COQ5: variants seen among roughly 807,000 people sequenced by gnomAD.
COQ5 encodes the protein coenzyme Q5, methyltransferase.
COQ5 carries 27 observed loss-of-function variants against 40.5 expected under a neutral mutation model. The ratio of observed to expected loss-of-function variants is 0.67; its 90% CI spans 0.49 to 0.92. The LOEUF (loss-of-function observed/expected upper bound fraction) is 0.92, where lower values mean the gene tolerates loss of function less well. Among genes scored for constraint, COQ5 ranks in the 40% least tolerant of loss-of-function variants. The pLI, the probability that COQ5 is intolerant of heterozygous loss-of-function variation, is 0.00. For missense variants in COQ5, 409 were observed against 406.4 expected, an observed-to-expected ratio of 1.01 and a Z score of -0.06; for synonymous variants, 141 against 150.0, an observed-to-expected ratio of 0.94 and a Z score of 0.44.
chr12:120,524,113 A>G, intron 1 of COQ5: 1 of 255,074 alleles, frequency 3.9e-6, no homozygotes. Context: ...GGGCACCTAG[A>G]TGCCAAGCTG....
intron 1 of COQ5, chr12:120,526,772 T>C: frequency 5.1e-6 from 1 of 195,400 alleles, no homozygotes; most frequent in Non-Finnish European, 9.8e-6. Flanking sequence ...TGGAGTGTAG[T>C]GGCAGGATCT....
intron 5 of COQ5, 24 bp from the exon 6 acceptor site, chr12:120,504,105 A>G: frequency 7.1e-7 from 1 of 1,406,244 alleles, no homozygotes; most frequent in Non-Finnish European, 1.0e-6. Flanking sequence ...AAGGTAAAAG[A>G]TGAAGATTAG....
intron 3 of COQ5, among the ~76,000 whole-genome samples, chr12:120,516,300 T>C (rs1427531180): frequency 6.6e-6 from 1 of 152,138 alleles, no homozygotes; most frequent in Non-Finnish European, 1.5e-5. Context: ...ACTGAGAAGT[T>C]GTGTGACTTG....
chr12:120,507,579 C>T (rs181813757), intron 4 of COQ5, among the ~76,000 whole-genome samples: 2 of 150,198 alleles, frequency 1.3e-5, no homozygotes, highest in African/African-American at 4.9e-5. Flanking sequence ...CCACCACGCC[C>T]GGCCTCTATT....
At chr12:120,523,404 G>A (rs142661687) in intron 1 of COQ5, 38 of 388,188 alleles carry the variant, frequency 9.8e-5, no homozygotes, top group African/African-American at 5.6e-4. Flanking sequence ...GTGCCATTTC[G>A]GGACTGGCTG....
intron 1 of COQ5, among the ~76,000 whole-genome samples, chr12:120,523,723 A>G (rs1410413724): frequency 6.6e-6 from 1 of 152,056 alleles, no homozygotes; most frequent in East Asian, 1.9e-4. Flanking sequence ...CATTAGAAGT[A>G]TGCATACAGG....
intron 4 of COQ5, among the ~76,000 whole-genome samples, chr12:120,509,023 CAAAAA>C (rs55804213): frequency 8.3e-6 from 1 of 120,014 alleles, no homozygotes. Flanking sequence ...GACTCTGTCT[CAAAAA>C]AAAAAAAAAA....
rs1169514067 is a variant in COQ5 at position 120,525,890 on chromosome 12, A to C, written c.202+3050T>G. Among the ~76,000 whole-genome samples the C allele has an allele frequency of 2.6e-5, 4 of 151,986 alleles. 1 individual carries two copies. Among genetic ancestry groups the C allele is most frequent in the Non-Finnish European group, 5.9e-5 (4 of 68,012 alleles). ...CAGTGAGCTGAGATCGTGCCACCGC[A>C]CTCCAGCCTGGGCGACAGAGCGAGA... On this transcript the variant is annotated intron_variant, in intron 1 of 6. Transcript: ENST00000288532.
At chr12:120,520,988 A>G (rs542975140) in intron 2 of COQ5, among the ~76,000 whole-genome samples, 15 of 152,128 alleles carry the variant, frequency 9.9e-5, no homozygotes, top group Admixed American at 5.9e-4. Context: ...TTAAAGGTTA[A>G]GCAGAAGATA....
intron 5 of COQ5, 125 bp from the exon 6 acceptor site, chr12:120,504,206 C>G: frequency 2.8e-6 from 2 of 702,194 alleles, no homozygotes; most frequent in Non-Finnish European, 5.1e-6. Flanking sequence ...CAAGCAAGAA[C>G]CTGAATTAAG....
rs190537458 is a variant in COQ5 at position 120,518,841 on chromosome 12, C to T, written c.353-2053G>A. Among the ~76,000 whole-genome samples the T allele has an allele frequency of 8.5e-5, 13 of 152,328 alleles. No individual in the cohort carries two copies. The East Asian group carries it at 2.5e-3, about 29-fold the overall frequency. ...GCCTCCCAAATGCTGGGATTACAGG[C>T]GTGAGCCAACGTGCTCGGCCATATA... is the stretch of plus-strand genomic sequence containing the variant. On this transcript the variant is annotated intron_variant, in intron 2 of 6. Coordinates refer to ENST00000288532, the MANE Select transcript of COQ5 (RefSeq NM_032314.4).
At chr12:120,525,904 G>A (rs547219448) in intron 1 of COQ5, among the ~76,000 whole-genome samples, 10 of 150,374 alleles carry the variant, frequency 6.7e-5, no homozygotes, top group South Asian at 2.1e-4. Flanking sequence ...CAGCCTGGGC[G>A]ACAGAGCGAG....
At chr12:120,505,635 C>T (rs1868846580) in intron 4 of COQ5, among the ~76,000 whole-genome samples, 2 of 151,986 alleles carry the variant, frequency 1.3e-5, no homozygotes, top group Admixed American at 6.6e-5. Flanking sequence ...CGGCTCACCA[C>T]AACCTCCACC....
chr12:120,524,999 G>GATGGGGTTTCA (rs1342352582), intron 1 of COQ5, among the ~76,000 whole-genome samples: 1 of 151,640 alleles, frequency 6.6e-6, no homozygotes, highest in African/African-American at 2.4e-5. Flanking sequence ...TTTTAGTAGA[G>GATGGGGTTTCA]ATGGGGTTTC....
chr12:120,516,886 GGA>G, intron 2 of COQ5, 98 bp from the exon 3 acceptor site: 3 of 1,027,978 alleles, frequency 2.9e-6, no homozygotes, highest in Non-Finnish European at 4.6e-6. Flanking sequence ...CAGAGGCACA[GGA>G]GTACCTGTGT....
chr12:120,505,101 CTT>C (rs1868819879), intron 4 of COQ5, 118 bp from the exon 5 acceptor site: 5 of 783,138 alleles, frequency 6.4e-6, no homozygotes, highest in Admixed American at 2.0e-5. Context: ...CCACAAACCT[CTT>C]GTTTGTTCTC....
chr12:120,522,600 A>T, intron 1 of COQ5: 1 of 645,776 alleles, frequency 1.5e-6, no homozygotes, highest in East Asian at 2.5e-5. Context: ...AGCCCCATGC[A>T]GATGGCAGTC....
intron 1 of COQ5, 120 bp downstream of exon 1, chr12:120,528,819 AT>A: frequency 3.1e-6 from 3 of 976,064 alleles, no homozygotes; most frequent in African/African-American, 1.6e-5. Flanking sequence ...AAAAAAAAAA[AT>A]CATAACTGCA....
intron 2 of COQ5, among the ~76,000 whole-genome samples, chr12:120,517,223 G>A (rs1482175977): frequency 6.6e-6 from 1 of 151,804 alleles, no homozygotes; most frequent in African/African-American, 2.4e-5. Context: ...GTGGTGGCAG[G>A]CGCCTGTTAT....
Sources: allele counts gnomAD v4.1 joint callset (sites outside exome capture counted in the v4.1 genomes callset), GRCh38; gene constraint gnomAD v4.1.1; transcripts MANE v1.5; gene names NCBI Gene and HGNC (gene_info 2026-07-23, HGNC 2026-07-21).